Variants in ZNF385B observed in about 807,000 individuals in gnomAD.
ZNF385B encodes zinc finger protein 385B.
Under a neutral mutation model 39.2 loss-of-function variants are expected in ZNF385B, and 23 were observed. The ratio of observed to expected loss-of-function variants is 0.59; its 90% CI spans 0.42 to 0.83. ZNF385B has a LOEUF of 0.83. ZNF385B is among the 40% of genes least tolerant of loss of function. The pLI is 0.00. For missense variants in ZNF385B, 552 were observed against 598.9 expected (o/e 0.92, Z 0.82); for synonymous variants, 205 against 222.6 (o/e 0.92, Z 0.70).
At position 179,812,674 on chromosome 2, in the gene ZNF385B, C is replaced by T. The variant is rs532734178; in HGVS notation, c.-154-42002G>A. ...AGGGAGAGAAGGGGGAAAGGGTTGACAAACTATTGAGTACTATGCTCAGTA... is the reference window on the plus strand; with the variant it reads ...AGGGAGAGAAGGGGGAAAGGGTTGATAAACTATTGAGTACTATGCTCAGTA... On this transcript the variant is annotated intron_variant, in intron 1 of 9. Transcript: ENST00000410066. Among the ~76,000 whole-genome samples the T allele has an allele frequency of 3.3e-5, 5 of 152,200 alleles. No homozygotes were observed. In the East Asian group the frequency reaches 9.7e-4, roughly 29 times the overall value.
At chr2:179,474,175 A>G (rs1030102914) in intron 6 of ZNF385B, among the ~76,000 whole-genome samples, 5 of 152,090 alleles carry the variant, frequency 3.3e-5, no homozygotes, top group African/African-American at 7.2e-5. Flanking sequence ...TCAGACTTCC[A>G]GAAGTGTCAT....
chr2:179,760,420 A>C (rs1703312100), intron 3 of ZNF385B, among the ~76,000 whole-genome samples: 1 of 152,182 alleles, frequency 6.6e-6, no homozygotes, highest in South Asian at 2.1e-4. Context: ...TATAAATGGA[A>C]TTCATACAGT....
intron 3 of ZNF385B, among the ~76,000 whole-genome samples, chr2:179,567,342 A>G (rs554130423): frequency 6.6e-6 from 1 of 152,284 alleles, no homozygotes; most frequent in South Asian, 2.1e-4. Flanking sequence ...GGGGGGAAAA[A>G]CAAACAAACA....
At chr2:179,840,817 T>C (rs981903495) in intron 1 of ZNF385B, among the ~76,000 whole-genome samples, 3 of 152,206 alleles carry the variant, frequency 2.0e-5, no homozygotes, top group East Asian at 3.9e-4. Flanking sequence ...CTAACATTTC[T>C]CAACTATGCA....
intron 3 of ZNF385B, among the ~76,000 whole-genome samples, chr2:179,625,512 G>A (rs1690578929): frequency 6.6e-6 from 1 of 151,552 alleles, no homozygotes; most frequent in African/African-American, 2.4e-5. Context: ...CCTTTTATAT[G>A]CATAAATATA....
At chr2:179,599,239 T>C (rs1432481384) in intron 3 of ZNF385B, among the ~76,000 whole-genome samples, 2 of 152,188 alleles carry the variant, frequency 1.3e-5, no homozygotes, top group Non-Finnish European at 2.9e-5. Flanking sequence ...CCCTTTGAGT[T>C]TCATGATCAG....
intron 8 of ZNF385B, 123 bp downstream of exon 8, chr2:179,445,427 C>T: frequency 1.2e-6 from 1 of 867,622 alleles, no homozygotes; most frequent in Non-Finnish European, 1.8e-6. Flanking sequence ...TGCATATTGT[C>T]TGCATCCTAC....
At chr2:179,776,230 G>A (rs1309537613) in intron 1 of ZNF385B, among the ~76,000 whole-genome samples, 1 of 152,232 alleles carries the variant, frequency 6.6e-6, no homozygotes, top group African/African-American at 2.4e-5. Context: ...TGTTTTCACT[G>A]TCAGTCTTAC....
intron 6 of ZNF385B, among the ~76,000 whole-genome samples, chr2:179,467,260 C>T (rs1412229569): frequency 2.0e-5 from 3 of 152,046 alleles, no homozygotes; most frequent in African/African-American, 7.2e-5. Context: ...TCCAAATGTC[C>T]CCAAGGGTTA....
intron 3 of ZNF385B, among the ~76,000 whole-genome samples, chr2:179,739,510 A>G (rs77114847): frequency 6.6e-6 from 1 of 152,148 alleles, no homozygotes; most frequent in African/African-American, 2.4e-5. Context: ...TCCCAGTTTG[A>G]GTCTTAGCTA....
chr2:179,692,924 G>A (rs1053064518), intron 3 of ZNF385B, among the ~76,000 whole-genome samples: 4 of 152,040 alleles, frequency 2.6e-5, no homozygotes, highest in African/African-American at 9.7e-5. Context: ...GTACCCTAAG[G>A]GGACCACTGC....
chr2:179,854,099 T>C (rs144897511), intron 1 of ZNF385B, among the ~76,000 whole-genome samples: 2 of 152,326 alleles, frequency 1.3e-5, no homozygotes, highest in African/African-American at 2.4e-5. Context: ...TGTATCTGTA[T>C]ACAAACAATG....
chr2:179,742,616 G>A (rs981966529), intron 3 of ZNF385B, among the ~76,000 whole-genome samples: 4 of 151,994 alleles, frequency 2.6e-5, no homozygotes, highest in Non-Finnish European at 5.9e-5. Context: ...AAAAAAGTAA[G>A]TGAAAAGACT....
At position 179,488,767 on chromosome 2, in the gene ZNF385B, G is replaced by T. The variant is rs75885912; in HGVS notation, c.553-5333C>A. ...GTTATAAGGGAAATAGCAAAGGTCA[G>T]CTAATTTTCAGGAAAACCCAATATA... On this transcript the variant is annotated intron_variant, in intron 5 of 9. Coordinates refer to ENST00000410066, the MANE Select transcript of ZNF385B (RefSeq NM_152520.6). Among the ~76,000 whole-genome samples, 1,234 of 152,268 alleles carry T rather than the reference G, an allele frequency of 8.1e-3. 14 individuals carry two copies. Among genetic ancestry groups the T allele is most frequent in the African/African-American group, 0.028 (1,155 of 41,554 alleles).
chr2:179,648,427 G>A (rs1692928014), intron 3 of ZNF385B, among the ~76,000 whole-genome samples: 1 of 152,136 alleles, frequency 6.6e-6, no homozygotes, highest in South Asian at 2.1e-4. Flanking sequence ...TCAGTGTAAA[G>A]TCATGGTTTT....
At chr2:179,598,664 T>C (rs1312827312) in intron 3 of ZNF385B, among the ~76,000 whole-genome samples, 1 of 152,174 alleles carries the variant, frequency 6.6e-6, no homozygotes, top group Non-Finnish European at 1.5e-5. Flanking sequence ...GCATGAATCA[T>C]ATATTAGAAT....
At chr2:179,553,663 T>A (rs1386525342) in intron 3 of ZNF385B, among the ~76,000 whole-genome samples, 2 of 149,100 alleles carry the variant, frequency 1.3e-5, no homozygotes, top group East Asian at 3.9e-4. Context: ...ATGTCATCAT[T>A]CCCTAAAGTA....
chr2:179,572,653 G>A (rs1266809581), intron 3 of ZNF385B, among the ~76,000 whole-genome samples: 1 of 152,150 alleles, frequency 6.6e-6, no homozygotes, highest in Admixed American at 6.5e-5. Flanking sequence ...AGATGGAAGG[G>A]CCTATCATGG....
intron 6 of ZNF385B, among the ~76,000 whole-genome samples, chr2:179,474,472 A>G (rs2053194747): frequency 1.3e-5 from 2 of 152,172 alleles, no homozygotes; most frequent in Admixed American, 6.5e-5. Context: ...CATTAACCTA[A>G]TACTTTCTAT....
Sources: gnomAD v4.1 joint callset for allele counts (sites outside exome capture counted in the v4.1 genomes callset) on GRCh38, gnomAD v4.1.1 for gene constraint, MANE v1.5 for transcripts, NCBI Gene and HGNC (gene_info 2026-07-23, HGNC 2026-07-21) for gene names.